Variants in PLIN2 observed in about 807,000 individuals in gnomAD.
The protein encoded by PLIN2 is perilipin 2, also known as perilipin-2.
A neutral mutation model predicts 30.6 loss-of-function variants in PLIN2; 33 were observed. The observed-to-expected ratio is 1.08, with a 90% CI of 0.82 to 1.44. The LOEUF (loss-of-function observed/expected upper bound fraction) is 1.44, where lower values mean the gene tolerates loss of function less well. Among genes scored for constraint, PLIN2 ranks in the 40% most tolerant of loss-of-function variants. PLIN2 has a pLI of 0.00. For synonymous variants in PLIN2, 205 were observed against 201.1 expected, an observed-to-expected ratio of 1.02 and a Z score of -0.16; for missense variants, 610 against 531.8, an observed-to-expected ratio of 1.15 and a Z score of -1.45.
downstream of PLIN2, among the ~76,000 whole-genome samples, chr9:19,112,469 C>T (rs1290623914): frequency 6.6e-6 from 1 of 152,040 alleles, no homozygotes; most frequent in Admixed American, 6.6e-5. Context: ...AGCACTTTGG[C>T]AGGCCGAGGT....
chr9:19,116,981 G>A lies in PLIN2; in HGVS notation c.913-332C>T, dbSNP rs1383763930. ...AATGGAAATATCCTTCATGTTAGTA[G>A]TGTAATGTATATATTCCCTCCTCAA... On this transcript the variant is annotated intron_variant, in intron 7 of 7. Coordinates refer to ENST00000276914, the MANE Select transcript of PLIN2 (RefSeq NM_001122.4). 5.3e-5 allele frequency among the ~76,000 whole-genome samples: 8 copies of A among 152,208 alleles called. No homozygotes were observed. The South Asian group carries it at 1.5e-3, about 28-fold the overall frequency.
chr9:19,121,164 A>G lies in PLIN2; in HGVS notation c.311T>C (p.Ile104Thr), dbSNP rs762935520. The G allele has an allele frequency of 6.2e-6, 10 of 1,613,466 alleles. No homozygotes were observed. The South Asian group carries it at 8.8e-5, about 14-fold the overall frequency. ...LPILNQPSTQ[I>T]VANAKGAVTG... is the part of the protein sequence containing the mutation. ...CACAGCGCCTTTGGCATTGGCAACA[A>G]TCTGTAAGTAGAAAAGCAGATCCCC... The change falls in exon 5 of 8, where the codon ATT becomes ACT. Residue 104 changes from isoleucine (I) to threonine (T), a missense_variant and splice_region_variant. Physicochemically the swap from Ile to Thr is moderately conservative, Grantham distance 89. Coordinates refer to ENST00000276914, the MANE Select transcript of PLIN2 (RefSeq NM_001122.4).
chr9:19,118,232 A>G (rs1197018989), intron 7 of PLIN2, 89 bp downstream of exon 7: 8 of 1,267,598 alleles, frequency 6.3e-6, no homozygotes, highest in Non-Finnish European at 6.6e-6. Flanking sequence ...AGAGAAGAGT[A>G]TTCTAAGACA....
intron 2 of PLIN2, 25 bp from the exon 3 acceptor site, chr9:19,126,334 G>A: frequency 6.2e-7 from 1 of 1,613,410 alleles, no homozygotes; most frequent in Non-Finnish European, 8.5e-7. Context: ...GGGAGGGTAT[G>A]CTTATTAATC....
Position 19,123,662 on chromosome 9 carries a change from G to A in PLIN2, c.227-15C>T, listed in dbSNP as rs765977338. 1.1e-5 allele frequency: 18 copies of A among 1,602,162 alleles called. No individual in the cohort carries two copies. Among genetic ancestry groups the A allele is most frequent in the Admixed American group, 3.3e-5 (2 of 59,746 alleles). ...GGCAACTGCAACTAGAATCACAAAT[G>A]GGAAAATGTTAATGTAGTACTATAG... On this transcript the variant is annotated splice_polypyrimidine_tract_variant and intron_variant, in intron 3 of 7. Coordinates refer to ENST00000276914, the MANE Select transcript of PLIN2 (RefSeq NM_001122.4).
At chr9:19,112,269 G>T (rs1014143757), downstream of PLIN2, among the ~76,000 whole-genome samples, 2 of 152,186 alleles carry the variant, frequency 1.3e-5, no homozygotes, top group Non-Finnish European at 2.9e-5. Flanking sequence ...CAGGTTTCAT[G>T]CAGTCAAATG....
chr9:19,113,836 G>A (rs1394574502), downstream of PLIN2, among the ~76,000 whole-genome samples: 2 of 149,466 alleles, frequency 1.3e-5, no homozygotes, highest in Non-Finnish European at 3.0e-5. Flanking sequence ...GTGCAATGGC[G>A]CAATCTCAGC....
exon 3 of PLIN2, chr9:19,108,641 G>A (rs2131170444): frequency 6.5e-6 from 1 of 152,740 alleles, no homozygotes; most frequent in East Asian, 1.9e-4. Flanking sequence ...TGAGAGGACA[G>A]GGCCATTAGC....
chr9:19,126,417 C>A lies in PLIN2; in HGVS notation c.10G>T (p.Val4Phe). The A allele has an allele frequency of 3.1e-6, 5 of 1,612,904 alleles. No homozygotes were observed. The highest frequency in any genetic ancestry group is 4.2e-6 in the Non-Finnish European group (5 of 1,179,214). MAS[V>F]AVDPQPSVVT... Reference sequence around the variant, plus strand: ...CATACCGGTTGTGGATCAACTGCAACGGATGCCATTTTTCTTCCTGGAGAA... The same window carrying A: ...CATACCGGTTGTGGATCAACTGCAAAGGATGCCATTTTTCTTCCTGGAGAA... The change falls in exon 2 of 8, where the codon GTT becomes TTT. Residue 4 changes from valine to phenylalanine, a missense_variant. Transcript: ENST00000276914.
chr9:19,124,957 G>A (rs981242471), intron 3 of PLIN2, among the ~76,000 whole-genome samples: 1 of 152,120 alleles, frequency 6.6e-6, no homozygotes, highest in Admixed American at 6.6e-5. Context: ...TATGCTTAAC[G>A]AAAGAAGCCA....
chr9:19,117,481 G>A (rs779294138), intron 7 of PLIN2, among the ~76,000 whole-genome samples: 18 of 151,772 alleles, frequency 1.2e-4, no homozygotes, highest in Non-Finnish European at 2.4e-4. Context: ...CTTCCCTCTG[G>A]AACCTTGGTC....
chr9:19,112,598 C>T (rs1045113716), downstream of PLIN2, among the ~76,000 whole-genome samples: 1 of 151,250 alleles, frequency 6.6e-6, no homozygotes, highest in African/African-American at 2.4e-5. Flanking sequence ...GTCCCAGATA[C>T]TCAGGACACT....
At position 19,119,701 on chromosome 9, in the gene PLIN2, A is replaced by G. The variant is rs1564030297; in HGVS notation, c.726T>C (p.Ala242=). The change falls in exon 6 of 8, where the codon GCT becomes GCC. Residue 242 remains alanine (A), a synonymous_variant. Transcript: ENST00000276914. ...AAATGGTCTGTTGGCTTTTTTGCTT[A>G]GCTTCTTTAACCCTGCTGAGAGCCT... ...YQQALSRVKE[A]KQKSQQTISQ... The G allele has an allele frequency of 6.2e-7, 1 of 1,609,292 alleles. No homozygotes were observed. The highest frequency in any genetic ancestry group is 1.7e-5 in the Admixed American group (1 of 59,428).
intron 3 of PLIN2, among the ~76,000 whole-genome samples, chr9:19,123,952 G>A (rs1024725941): frequency 6.6e-6 from 1 of 151,802 alleles, no homozygotes; most frequent in Non-Finnish European, 1.5e-5. Context: ...TCAGGAAGCA[G>A]GGGTTCCAGT....
intron 4 of PLIN2, among the ~76,000 whole-genome samples, chr9:19,121,473 G>C (rs1394305714): frequency 7.9e-6 from 1 of 125,992 alleles, no homozygotes; most frequent in African/African-American, 3.1e-5. Flanking sequence ...CTGGGTGACA[G>C]AGCAAGACCC....
At position 19,118,280 on chromosome 9, in the gene PLIN2, C is replaced by T. The variant is rs1379916808; in HGVS notation, c.912+41G>A. On this transcript the variant is annotated intron_variant, in intron 7 of 7. Coordinates refer to ENST00000276914, the MANE Select transcript of PLIN2 (RefSeq NM_001122.4). ...ATTGAAATGAAAAGTCTGATAAGAA[C>T]TTCTTCAGCAACCAACAAATGACCG... 6 of 1,544,064 alleles carry T rather than the reference C, an allele frequency of 3.9e-6. No individual in the cohort carries two copies. The East Asian group carries it at 1.4e-4, about 36-fold the overall frequency.
In PLIN2 at chr9:19,119,969, CTCACG is replaced by C. The variant is rs2131180136; in HGVS notation, c.596-143_596-139del. Reference sequence around the variant, plus strand: ...TCATGCAGTCATTTTTCCAAGACTGCTCACGTCTGCTGCTGGACTTGACTACCCTG... The same window carrying C: ...TCATGCAGTCATTTTTCCAAGACTGCTCTGCTGCTGGACTTGACTACCCTG... On this transcript the variant is annotated intron_variant, in intron 5 of 7. Transcript: ENST00000276914. 7 of 581,164 alleles carry C rather than the reference CTCACG, an allele frequency of 1.2e-5. No individual in the cohort carries two copies. The South Asian group carries it at 1.6e-4, about 13-fold the overall frequency. 36.0% of individuals were successfully genotyped at this position (581,164 alleles called of 1,614,324 possible).
intron 3 of PLIN2, 129 bp downstream of exon 3, chr9:19,125,985 T>C: frequency 3.0e-6 from 2 of 668,154 alleles, no homozygotes; most frequent in East Asian, 2.6e-5. Flanking sequence ...GAGGGTCACC[T>C]GAAAGTTTCT....
intron 3 of PLIN2, among the ~76,000 whole-genome samples, chr9:19,124,788 G>A (rs573696571): frequency 1.5e-4 from 23 of 152,286 alleles, no homozygotes; most frequent in Admixed American, 2.6e-4. Context: ...AATGTTCACA[G>A]AAGCATTATA....
Sources: allele counts gnomAD v4.1 joint callset (sites outside exome capture counted in the v4.1 genomes callset), GRCh38; gene constraint gnomAD v4.1.1; transcripts MANE v1.5; gene names NCBI Gene and HGNC (gene_info 2026-07-23, HGNC 2026-07-21).